Variants in ETV5 observed in about 807,000 individuals in gnomAD.
The protein encoded by ETV5 is ETS variant transcription factor 5.
Under a neutral mutation model 70.0 loss-of-function variants are expected in ETV5, and 10 were observed. That is an observed-to-expected ratio of 0.14 (90% CI 0.09 to 0.24). The LOEUF is 0.24. Ranked by LOEUF, ETV5 falls within the 10% of genes least tolerant of loss-of-function variation. The probability of loss-of-function intolerance (pLI) is 1.00; values close to 1 mark genes in which losing one functional copy is unlikely to be tolerated. For synonymous variants in ETV5, 216 were observed against 242.2 expected (o/e 0.89, Z 1.01); for missense variants, 453 against 651.2 (o/e 0.70, Z 3.31).
rs1713916195 is a variant in ETV5, at chr3:186,080,843, G to GT, written c.362+202dup. The GT allele has an allele frequency of 1.2e-5, 6 of 482,742 alleles. No homozygotes were observed. The East Asian group carries it at 2.2e-4, about 17-fold the overall frequency. The allele number at this position is 482,742 out of a possible 1,614,324, so 29.9% of individuals were successfully genotyped here. ...ACTTAGTGCTCTGTAGAGCCACAAG[G>GT]TTTTTAATGGTTTTCTTTTGTGTGC... On this transcript the variant is annotated intron_variant, in intron 6 of 12. Transcript: ENST00000306376.
At chr3:186,076,530 T>A in intron 7 of ETV5, 1 of 182,868 alleles carries the variant, frequency 5.5e-6, no homozygotes, top group Admixed American at 6.2e-5. Flanking sequence ...CGAGGGCAAG[T>A]GATCCTCCCA....
intron 5 of ETV5, among the ~76,000 whole-genome samples, chr3:186,093,795 A>G (rs189371935): frequency 1.2e-3 from 178 of 152,326 alleles, no homozygotes; most frequent in African/African-American, 3.3e-3. Flanking sequence ...GTCCTCAAGG[A>G]CAGACAGGGG....
chr3:186,069,004 T>G (rs1326779041), intron 7 of ETV5, among the ~76,000 whole-genome samples: 2 of 152,226 alleles, frequency 1.3e-5, no homozygotes, highest in Non-Finnish European at 2.9e-5. Flanking sequence ...TTGAATAGCT[T>G]TAATAAAATA....
In ETV5 at chr3:186,057,444, C is replaced by T. The variant is rs2150142421; in HGVS notation, c.1018G>A (p.Val340Ile). ...DPRLYFDDTC[V>I]VPERLEGKVK... ...TTACCTTCCAGTCTCTCAGGCACAACACAAGTGTCGTCAAAGTATAATCGG... is the reference window on the plus strand; with the variant it reads ...TTACCTTCCAGTCTCTCAGGCACAATACAAGTGTCGTCAAAGTATAATCGG... The change falls in exon 10 of 13, where the codon GTT becomes ATT. Residue 340 changes from valine to isoleucine, a missense_variant. Val to Ile is a conservative substitution (Grantham distance 29). Around this residue, in one of 4 missense-constraint regions of ETV5, gnomAD observed 307 missense variants for 344.9 expected, o/e 0.89. Coordinates refer to ENST00000306376, the MANE Select transcript of ETV5 (RefSeq NM_004454.3). This position sits in a 1 kb window ranked among gnomAD's most constrained non-coding sequence, Gnocchi z 4.9. 6.2e-7 allele frequency: 1 copy of T among 1,614,132 alleles called. No homozygotes were observed. The highest frequency in any genetic ancestry group is 8.5e-7 in the Non-Finnish European group (1 of 1,180,004).
chr3:186,088,204 C>T (rs4686730), intron 5 of ETV5, among the ~76,000 whole-genome samples: 46,305 of 152,062 alleles, frequency 0.3, 8,715 homozygotes, highest in East Asian at 0.6. Context: ...TCACACTCAA[C>T]TGTCATTATC....
At chr3:186,071,231 G>A (rs1013527804) in intron 7 of ETV5, among the ~76,000 whole-genome samples, 3 of 152,146 alleles carry the variant, frequency 2.0e-5, no homozygotes, top group South Asian at 4.1e-4. Flanking sequence ...TCTGACAGAG[G>A]TTATATAGTG....
chr3:186,081,748 A>T (rs1713939151), intron 5 of ETV5, among the ~76,000 whole-genome samples: 1 of 152,250 alleles, frequency 6.6e-6, no homozygotes, highest in Admixed American at 6.5e-5. Context: ...AAATTTTAAA[A>T]GCAAAGGAAT....
rs375825902 is a variant in ETV5, at chr3:186,098,249, C to G, written c.232+7056G>C. 2.0e-4 allele frequency among the ~76,000 whole-genome samples: 31 copies of G among 152,362 alleles called. 1 individual carries two copies. The highest frequency in any genetic ancestry group is 7.5e-4 in the African/African-American group (31 of 41,592). On this transcript the variant is annotated intron_variant, in intron 5 of 12. Coordinates refer to ENST00000306376, the MANE Select transcript of ETV5 (RefSeq NM_004454.3). ...TATCATGTGCCCCTCGGTTCAGAAT[C>G]TGGCTGTAGCTACCAGCGGAGAGAA...
chr3:186,063,770 C>T (rs1410229770), intron 9 of ETV5, among the ~76,000 whole-genome samples: 1 of 152,064 alleles, frequency 6.6e-6, no homozygotes. Flanking sequence ...TACTCCCTAC[C>T]CCCTGCTAGC....
At chr3:186,076,379 C>T (rs1053721621) in intron 7 of ETV5, 19 of 197,236 alleles carry the variant, frequency 9.6e-5, no homozygotes, top group African/African-American at 4.4e-4. Context: ...TTTTGACCTG[C>T]TCTGTTTCTG....
At chr3:186,074,057 A>G (rs550856115) in intron 7 of ETV5, among the ~76,000 whole-genome samples, 5 of 152,316 alleles carry the variant, frequency 3.3e-5, no homozygotes, top group South Asian at 2.1e-4. Context: ...CCGAGAGAGA[A>G]TAAGTAAGGC....
intron 5 of ETV5, among the ~76,000 whole-genome samples, chr3:186,093,457 A>G (rs1172510010): frequency 2.0e-5 from 3 of 152,218 alleles, no homozygotes; most frequent in Non-Finnish European, 4.4e-5. Flanking sequence ...TCAGCAAACA[A>G]TTGCCTCCTT....
chr3:186,108,237 G>GC (rs1714643477), intron 1 of ETV5, among the ~76,000 whole-genome samples: 1 of 150,864 alleles, frequency 6.6e-6, no homozygotes, highest in Non-Finnish European at 1.5e-5. Context: ...CTGCGAGGCT[G>GC]CAGCATCTTT....
At chr3:186,069,598 G>A (rs1004488864) in intron 7 of ETV5, among the ~76,000 whole-genome samples, 2 of 150,148 alleles carry the variant, frequency 1.3e-5, no homozygotes, top group East Asian at 2.0e-4. Context: ...CGAGTGACTC[G>A]ATCTCAGCTC....
chr3:186,094,741 T>C (rs1297035822), intron 5 of ETV5, among the ~76,000 whole-genome samples: 1 of 152,212 alleles, frequency 6.6e-6, no homozygotes, highest in Non-Finnish European at 1.5e-5. Flanking sequence ...AAATATTTTA[T>C]ACAGGATGAA....
chr3:186,072,646 C>A (rs1264201617), intron 7 of ETV5, among the ~76,000 whole-genome samples: 3 of 152,248 alleles, frequency 2.0e-5, no homozygotes, highest in African/African-American at 4.8e-5. Flanking sequence ...ATAAGGCCTG[C>A]CAACATTGCT....
chr3:186,096,627 A>AG (rs1317183563), intron 5 of ETV5, among the ~76,000 whole-genome samples: 4 of 152,144 alleles, frequency 2.6e-5, no homozygotes, highest in African/African-American at 9.7e-5. Flanking sequence ...ACTTACAGCA[A>AG]GGGAAAAAAA....
At chr3:186,069,685 C>T (rs1002141687) in intron 7 of ETV5, among the ~76,000 whole-genome samples, 6 of 152,212 alleles carry the variant, frequency 3.9e-5, no homozygotes, top group East Asian at 1.9e-4. Flanking sequence ...TTAGTAGAAA[C>T]GGGGTTTCAC....
At chr3:186,080,906 G>T in intron 6 of ETV5, 140 bp downstream of exon 6, 1 of 1,007,392 alleles carries the variant, frequency 9.9e-7, no homozygotes, top group Non-Finnish European at 1.4e-6. Flanking sequence ...TACACCCGGA[G>T]GATGACACTG....
Sources: gnomAD v4.1 joint callset for allele counts (sites outside exome capture counted in the v4.1 genomes callset) on GRCh38, gnomAD v4.1.1 for gene constraint, gnomAD v4.1.1 regional missense constraint, Gnocchi (gnomAD v3.1) non-coding constraint, MANE v1.5 for transcripts, NCBI Gene and HGNC (gene_info 2026-07-23, HGNC 2026-07-21) for gene names.